USP10: variants seen among roughly 807,000 people sequenced by gnomAD.
USP10 encodes ubiquitin specific peptidase 10, also known as ubiquitin carboxyl-terminal hydrolase 10.
In USP10, 22 loss-of-function variants were observed where a neutral mutation model predicts 84.5. The ratio of observed to expected loss-of-function variants is 0.26; its 90% CI spans 0.19 to 0.37. The LOEUF is 0.37. Among genes scored for constraint, USP10 ranks in the 10% least tolerant of loss-of-function variants. USP10 has a pLI of 1.00. For missense variants in USP10, 1,019 were observed against 998.9 expected, an observed-to-expected ratio of 1.02 and a Z score of -0.27; for synonymous variants, 454 against 387.6, an observed-to-expected ratio of 1.17 and a Z score of -2.01.
chr16:84,701,532 C>T (rs1904858093), intron 1 of USP10, among the ~76,000 whole-genome samples: 1 of 152,098 alleles, frequency 6.6e-6, no homozygotes, highest in Admixed American at 6.6e-5. Context: ...AATTAACTAG[C>T]TTATTAGAAT....
intron 4 of USP10, among the ~76,000 whole-genome samples, chr16:84,756,129 T>C (rs1912511722): frequency 7.8e-6 from 1 of 127,850 alleles, no homozygotes; most frequent in Admixed American, 9.2e-5. Context: ...CAGCTTAGCC[T>C]GTACAGTGTG....
chr16:84,765,043 C>G (rs1913696155), intron 10 of USP10, among the ~76,000 whole-genome samples: 1 of 151,180 alleles, frequency 6.6e-6, no homozygotes, highest in Admixed American at 6.6e-5. Context: ...CCACTGCACT[C>G]CAGCCTGGGT....
At chr16:84,771,651 C>T (rs1172298391) in intron 11 of USP10, among the ~76,000 whole-genome samples, 2 of 152,104 alleles carry the variant, frequency 1.3e-5, no homozygotes, top group African/African-American at 2.4e-5. Flanking sequence ...GGTGGATCAC[C>T]TGAGGTCAGG....
chr16:84,767,689 C>T (rs926963434), intron 10 of USP10, among the ~76,000 whole-genome samples: 2 of 152,156 alleles, frequency 1.3e-5, no homozygotes, highest in African/African-American at 2.4e-5. Context: ...TGTTTTCTTC[C>T]AGAGCACTGG....
chr16:84,769,734 G>C (rs1914227806), intron 11 of USP10, among the ~76,000 whole-genome samples: 1 of 152,174 alleles, frequency 6.6e-6, no homozygotes, highest in African/African-American at 2.4e-5. Context: ...GAGGTGGTCA[G>C]CCTTTCCATG....
At chr16:84,710,710 G>C (rs1906169321) in intron 1 of USP10, among the ~76,000 whole-genome samples, 1 of 152,084 alleles carries the variant, frequency 6.6e-6, no homozygotes, top group South Asian at 2.1e-4. Context: ...GGAATCATTG[G>C]ATTTAACAGC....
chr16:84,762,005 G>A (rs1913263854), intron 8 of USP10, among the ~76,000 whole-genome samples: 1 of 152,262 alleles, frequency 6.6e-6, no homozygotes, highest in Non-Finnish European at 1.5e-5. Flanking sequence ...AGTTTACCTA[G>A]ATGCTTCAAA....
At chr16:84,716,304 C>A (rs574767932) in intron 1 of USP10, 1 of 152,292 alleles carries the variant, frequency 6.6e-6, no homozygotes, top group South Asian at 2.1e-4. Flanking sequence ...TATTATTGTT[C>A]CTTAACTGTT....
chr16:84,771,809 A>C (rs1457798209), intron 11 of USP10, among the ~76,000 whole-genome samples: 1 of 152,178 alleles, frequency 6.6e-6, no homozygotes. Context: ...CGGATGTTGC[A>C]GTGAGCGCAG....
At chr16:84,701,937 C>T (rs8045503) in intron 1 of USP10, among the ~76,000 whole-genome samples, 72,323 of 124,098 alleles carry the variant, frequency 0.58, 20,841 homozygotes, top group East Asian at 0.86. Context: ...TTTTCTTCTT[C>T]TTTTTTTTTT....
At chr16:84,770,063 C>G (rs1423530256) in intron 11 of USP10, among the ~76,000 whole-genome samples, 2 of 152,056 alleles carry the variant, frequency 1.3e-5, no homozygotes, top group East Asian at 3.9e-4. Flanking sequence ...GAGCTATGAT[C>G]ACGCCACTGC....
chr16:84,748,690 A>G (rs1313025556), intron 4 of USP10, among the ~76,000 whole-genome samples: 1 of 152,234 alleles, frequency 6.6e-6, no homozygotes, highest in East Asian at 1.9e-4. Flanking sequence ...TATTTAAAAT[A>G]ACCAAGAAAA....
At chr16:84,755,240 C>T (rs1033534434) in intron 4 of USP10, among the ~76,000 whole-genome samples, 1 of 151,786 alleles carries the variant, frequency 6.6e-6, no homozygotes, top group Non-Finnish European at 1.5e-5. Flanking sequence ...GTCTCACCCA[C>T]CTCTGGCATC....
At chr16:84,765,276 T>C (rs1913726391) in intron 10 of USP10, among the ~76,000 whole-genome samples, 2 of 151,634 alleles carry the variant, frequency 1.3e-5, no homozygotes, top group African/African-American at 4.9e-5. Context: ...TGTGTGCACA[T>C]GGCAAGAGCA....
intron 1 of USP10, chr16:84,704,614 C>A: frequency 8.3e-7 from 1 of 1,211,258 alleles, no homozygotes; most frequent in Non-Finnish European, 1.1e-6. Flanking sequence ...ATAAAGGTAG[C>A]CCTTGGGGTA....
intron 3 of USP10, among the ~76,000 whole-genome samples, 182 bp downstream of exon 3, chr16:84,740,551 G>A (rs1465033309): frequency 1.3e-5 from 2 of 152,230 alleles, no homozygotes; most frequent in African/African-American, 4.8e-5. Flanking sequence ...GTTTTAAAGC[G>A]TATCCTGTGC....
chr16:84,744,907 T>G lies in USP10; in HGVS notation c.426T>G (p.Gly142=), dbSNP rs768225319. The change falls in exon 4 of 14, where the codon GGT becomes GGG. Residue 142 remains glycine (G), a synonymous_variant. Coordinates refer to ENST00000219473, the MANE Select transcript of USP10 (RefSeq NM_005153.3). ...TTTTGGAAAATGATGGTGTCTCAGG[T>G]GGTCTTGGACAAAGGGAGCGTAAAA... ...AEVLENDGVS[G]GLGQRERKKK... 1.2e-6 allele frequency: 2 copies of G among 1,613,796 alleles called. No homozygotes were observed. Among genetic ancestry groups the G allele is most frequent in the Admixed American group, 3.3e-5 (2 of 60,014 alleles).
chr16:84,704,695 A>G, intron 1 of USP10: 3 of 1,481,450 alleles, frequency 2.0e-6, no homozygotes, highest in Non-Finnish European at 2.7e-6. Flanking sequence ...GAATCTTCAG[A>G]TCCTAGATTT....
chr16:84,778,860 G>A (rs74992092), intron 13 of USP10, 35 bp from the exon 14 acceptor site: 2 of 1,596,466 alleles, frequency 1.3e-6, no homozygotes, highest in Non-Finnish European at 1.7e-6. Context: ...GTGCAGTGCT[G>A]TTCTCACTCT....
Sources: gnomAD v4.1 joint callset for allele counts (sites outside exome capture counted in the v4.1 genomes callset) on GRCh38, gnomAD v4.1.1 for gene constraint, MANE v1.5 for transcripts, NCBI Gene and HGNC (gene_info 2026-07-23, HGNC 2026-07-21) for gene names.